HIBCH: variants seen among roughly 807,000 people sequenced by gnomAD.
HIBCH encodes the protein 3-hydroxyisobutyryl-CoA hydrolase, mitochondrial.
HIBCH carries 50 observed loss-of-function variants against 58.2 expected under a neutral mutation model. The observed-to-expected ratio is 0.86, with a 90% CI of 0.68 to 1.09. The LOEUF (loss-of-function observed/expected upper bound fraction) is 1.09. Among genes scored for constraint, HIBCH ranks in the 50% least tolerant of loss-of-function variants. The pLI is 0.00. For synonymous variants in HIBCH, 151 were observed against 146.9 expected (o/e 1.03, Z -0.20); for missense variants, 450 against 449.7 (o/e 1.00, Z -0.01).
At chr2:190,267,386 G>A (rs928642945) in intron 6 of HIBCH, among the ~76,000 whole-genome samples, 9 of 151,938 alleles carry the variant, frequency 5.9e-5, no homozygotes, top group Admixed American at 2.0e-4. Context: ...TAGTAGAGAC[G>A]GAGTTTCACC....
intron 8 of HIBCH, chr2:190,251,566 C>T (rs749231019): frequency 9.9e-5 from 43 of 436,264 alleles, no homozygotes; most frequent in Middle Eastern, 6.8e-4. Context: ...ATTCTGCAGA[C>T]GGGAAAATGG....
chr2:190,270,684 A>G (rs1687371408), intron 6 of HIBCH, among the ~76,000 whole-genome samples: 1 of 152,232 alleles, frequency 6.6e-6, no homozygotes, highest in Non-Finnish European at 1.5e-5. Context: ...GTCATCGCAC[A>G]TGCTTTCACT....
rs567927256 is a variant in HIBCH at position 190,291,643 on chromosome 2, T to C, written c.305-1158A>G. ...ATAGAAATGTAAATTCTCAAAGACA[T>C]TGCTACAGCATACCACTGCCTGGCT... On this transcript the variant is annotated intron_variant, in intron 4 of 13. Coordinates refer to ENST00000359678, the MANE Select transcript of HIBCH (RefSeq NM_014362.4). Among the ~76,000 whole-genome samples, 219 of 152,334 alleles carry C rather than the reference T, an allele frequency of 1.4e-3. 2 individuals carry two copies. The highest frequency in any genetic ancestry group is 2.8e-3 in the Non-Finnish European group (191 of 68,038).
At chr2:190,261,281 T>A (rs1453792421) in intron 6 of HIBCH, 47 bp from the exon 7 acceptor site, 2 of 1,376,288 alleles carry the variant, frequency 1.5e-6, no homozygotes, top group Non-Finnish European at 2.1e-6. Context: ...TTAAACATAT[T>A]GTTAAAAAAC....
At chr2:190,298,829 T>C (rs1688184172) in intron 2 of HIBCH, among the ~76,000 whole-genome samples, 1 of 152,216 alleles carries the variant, frequency 6.6e-6, no homozygotes, top group African/African-American at 2.4e-5. Context: ...CACGCCTATA[T>C]CCTGAATGGT....
intron 6 of HIBCH, among the ~76,000 whole-genome samples, chr2:190,266,670 G>A (rs1413009443): frequency 1.3e-5 from 2 of 152,092 alleles, no homozygotes; most frequent in African/African-American, 4.8e-5. Flanking sequence ...TAGGCTCCAG[G>A]TGACGCGCCC....
intron 6 of HIBCH, among the ~76,000 whole-genome samples, chr2:190,274,355 A>G (rs1282927253): frequency 6.6e-6 from 1 of 152,234 alleles, no homozygotes; most frequent in Admixed American, 6.5e-5. Context: ...GACATTAATC[A>G]GTGGATAAAC....
rs375193143 is a variant in HIBCH, at chr2:190,205,194, C to G, written c.1084G>C (p.Ala362Pro). Reference protein sequence around the residue: ...DKDQSPKWKPADLKEVTEEDL... With the variant: ...DKDQSPKWKPPDLKEVTEEDL... The stretch of plus-strand genomic sequence containing the variant: ...TCCTCAGTAACTTCTTTTAGATCAG[C>G]TGGTTTCCATTTTGGACTCTGGTCT... Residue 362 changes from alanine (A) to proline (P), a missense_variant, in exon 14 of 14, where the codon GCT becomes CCT. Coordinates refer to ENST00000359678, the MANE Select transcript of HIBCH (RefSeq NM_014362.4). 6.2e-7 allele frequency: 1 copy of G among 1,609,042 alleles called. No individual in the cohort carries two copies. The highest frequency in any genetic ancestry group is 1.7e-5 in the Admixed American group (1 of 60,000).
At chr2:190,274,630 C>G (rs1321635405) in intron 6 of HIBCH, among the ~76,000 whole-genome samples, 1 of 152,074 alleles carries the variant, frequency 6.6e-6, no homozygotes, top group Non-Finnish European at 1.5e-5. Context: ...GACAGACCAA[C>G]AAGAGAAAAA....
intron 1 of HIBCH, among the ~76,000 whole-genome samples, chr2:190,191,574 T>A (rs1327849829): frequency 1.3e-5 from 2 of 152,232 alleles, no homozygotes; most frequent in African/African-American, 4.8e-5. Flanking sequence ...CCAGAGGCCA[T>A]GTCATTTTGC....
At position 190,243,245 on chromosome 2, in the gene HIBCH, C is replaced by A. The variant is rs952239686; in HGVS notation, c.891+1642G>T. ...CCGTGTAAAGGAGAGACTGGCCTAG[C>A]CTCCCAGCCTGTATCTTTCTCCCAT... On this transcript the variant is annotated intron_variant, in intron 11 of 13. Transcript: ENST00000359678. This position sits in a 1 kb window ranked among gnomAD's most constrained non-coding sequence, Gnocchi z 4.1. Among the ~76,000 whole-genome samples, 1 of 152,164 alleles carries A rather than the reference C, an allele frequency of 6.6e-6. No individual in the cohort carries two copies. Among genetic ancestry groups the A allele is most frequent in the African/African-American group, 2.4e-5 (1 of 41,428 alleles).
Position 190,204,507 on chromosome 2 carries a change from G to A in HIBCH, c.*610C>T, listed in dbSNP as rs1488031493. On this transcript the variant is annotated 3_prime_UTR_variant, in exon 14 of 14. Transcript: ENST00000359678. The stretch of plus-strand genomic sequence containing the variant: ...TTTCTCTCTGCCCAAGGTTTCTAAT[G>A]TTTATAAAAGGAGCTCTTCTGCTAC... The A allele has an allele frequency of 6.6e-6, 1 of 152,228 alleles. No individual in the cohort carries two copies. Among genetic ancestry groups the A allele is most frequent in the Non-Finnish European group, 1.5e-5 (1 of 68,114 alleles). 9.4% of individuals were successfully genotyped at this position (152,228 alleles called of 1,614,324 possible).
downstream of HIBCH, chr2:190,200,221 T>TG: frequency 8.1e-7 from 1 of 1,231,766 alleles, no homozygotes; most frequent in Non-Finnish European, 1.2e-6. Context: ...AAAACTGGTG[T>TG]GAAAAAGTAC....
intron 2 of HIBCH, among the ~76,000 whole-genome samples, chr2:190,309,960 G>A (rs1211930368): frequency 6.6e-6 from 1 of 152,150 alleles, no homozygotes; most frequent in Non-Finnish European, 1.5e-5. Flanking sequence ...CAAGTCGGTG[G>A]ACTGGGAGAG....
In HIBCH at chr2:190,209,738, T is replaced by C. The variant is rs1559011487; in HGVS notation, c.1012-825A>G. On this transcript the variant is annotated intron_variant, in intron 12 of 13. Transcript: ENST00000359678. The surrounding 1 kb of genome is among the most constrained non-coding windows in gnomAD (Gnocchi z 5.6). ...ACATCCCCTCTTGCCTTCTCAAGGA[T>C]GGACTTTGCTTGATGTGGTCATTCA... is the stretch of plus-strand genomic sequence containing the variant. Among the ~76,000 whole-genome samples the C allele has an allele frequency of 6.6e-6, 1 of 152,214 alleles. No homozygotes were observed. The highest frequency in any genetic ancestry group is 1.5e-5 in the Non-Finnish European group (1 of 68,048).
chr2:190,317,244 A>AT (rs1688727487), intron 1 of HIBCH, among the ~76,000 whole-genome samples: 2 of 152,240 alleles, frequency 1.3e-5, no homozygotes, highest in South Asian at 2.1e-4. Context: ...CCCTCTCCCT[A>AT]TCTAAATCTG....
At position 190,211,914 on chromosome 2, in the gene HIBCH, G is replaced by A. The variant is rs1435450333; in HGVS notation, c.1011+1042C>T. Among the ~76,000 whole-genome samples the A allele has an allele frequency of 6.6e-6, 1 of 152,192 alleles. No individual in the cohort carries two copies. Among genetic ancestry groups the A allele is most frequent in the Admixed American group, 6.5e-5 (1 of 15,276 alleles). On this transcript the variant is annotated intron_variant, in intron 12 of 13. Transcript: ENST00000359678. The surrounding 1 kb of genome is among the most constrained non-coding windows in gnomAD (Gnocchi z 5.0). The stretch of plus-strand genomic sequence containing the variant: ...AATCAATCTAGGCAGTGCACTAAAA[G>A]TGTAATGAAAAACATGGAATGTGTG...
chr2:190,239,504 T>C (rs1384937291), intron 11 of HIBCH, among the ~76,000 whole-genome samples: 1 of 152,202 alleles, frequency 6.6e-6, no homozygotes, highest in East Asian at 1.9e-4. Flanking sequence ...AAAAAGTCAA[T>C]GGTAGCTTGA....
intron 10 of HIBCH, 128 bp downstream of exon 10, chr2:190,246,026 C>CTTTCTGAT (rs1686596006): frequency 1.8e-6 from 1 of 547,268 alleles, no homozygotes; most frequent in African/African-American, 2.0e-5. Context: ...AAGCTCTATA[C>CTTTCTGAT]TTTCTGATCT....
Sources: allele counts gnomAD v4.1 joint callset (sites outside exome capture counted in the v4.1 genomes callset), GRCh38; gene constraint gnomAD v4.1.1; non-coding constraint Gnocchi (gnomAD v3.1); transcripts MANE v1.5; gene names NCBI Gene and HGNC (gene_info 2026-07-23, HGNC 2026-07-21).